Variants in IL33 observed in about 807,000 individuals in gnomAD.
IL33 encodes the protein interleukin-33.
A neutral mutation model predicts 27.3 loss-of-function variants in IL33; 37 were observed. That is an observed-to-expected ratio of 1.36 (90% CI 1.04 to 1.78). The LOEUF (loss-of-function observed/expected upper bound fraction) is 1.78, where lower values mean the gene tolerates loss of function less well. IL33 is among the 40% of genes most tolerant of loss of function. The probability of loss-of-function intolerance (pLI) is 0.00; values close to 1 mark genes in which losing one functional copy is unlikely to be tolerated. For missense variants in IL33, 406 were observed against 311.4 expected (o/e 1.30, Z -2.29); for synonymous variants, 132 against 102.9 (o/e 1.28, Z -1.71).
chr9:6,215,342 A>G (rs1029446175), upstream of IL33, among the ~76,000 whole-genome samples: 2 of 152,210 alleles, frequency 1.3e-5, no homozygotes, highest in African/African-American at 4.8e-5. Context: ...GATATGTTGG[A>G]ATACAGAGTA....
rs61318432 is a variant in IL33 at position 6,236,018 on chromosome 9, T to TACACAC, written c.-11-5630_-11-5625dup. Among the ~76,000 whole-genome samples the TACACAC allele has an allele frequency of 5.4e-3, 761 of 139,782 alleles. 9 individuals are homozygous for TACACAC. Among genetic ancestry groups the TACACAC allele is most frequent in the African/African-American group, 0.011 (413 of 37,350 alleles). 91.7% of individuals were successfully genotyped at this position (139,782 alleles called of 152,430 possible). A position where few individuals can be genotyped will look rare whatever the true frequency, so the allele number is the denominator to read the frequency against. Reference sequence around the variant, plus strand: ...ATACACCCACACCCACCCACACCCATACACACACACACACACACACACACA... The same window carrying TACACAC: ...ATACACCCACACCCACCCACACCCATACACACACACACACACACACACACACACACA... On this transcript the variant is annotated intron_variant, in intron 1 of 7. Transcript: ENST00000682010.
At chr9:6,246,904 G>A (rs748621139) in intron 2 of IL33, among the ~76,000 whole-genome samples, 4 of 152,188 alleles carry the variant, frequency 2.6e-5, no homozygotes, top group Non-Finnish European at 5.9e-5. Context: ...TATGGCAGCA[G>A]AAAAGAGACT....
chr9:6,218,205 C>T (rs1033846860), intron 1 of IL33, among the ~76,000 whole-genome samples: 2 of 152,148 alleles, frequency 1.3e-5, no homozygotes, highest in Non-Finnish European at 2.9e-5. Flanking sequence ...TGAAAGGATC[C>T]TGGACCTTCT....
intron 1 of IL33, among the ~76,000 whole-genome samples, chr9:6,219,489 T>A (rs987098174): frequency 6.6e-6 from 1 of 152,200 alleles, no homozygotes; most frequent in African/African-American, 2.4e-5. Context: ...TTTTGTTTTG[T>A]ATTTTTTAAG....
intron 2 of IL33, among the ~76,000 whole-genome samples, chr9:6,244,413 T>C (rs1000589626): frequency 6.6e-6 from 1 of 152,144 alleles, no homozygotes; most frequent in Admixed American, 6.5e-5. Flanking sequence ...TAATGAACCC[T>C]ATATATACTA....
Position 6,253,553 on chromosome 9 carries a change from T to C in IL33, c.471T>C (p.Asp157=), listed in dbSNP as rs763716717. 13 of 1,601,984 alleles carry C rather than the reference T, an allele frequency of 8.1e-6. No homozygotes were observed. The highest frequency in any genetic ancestry group is 1.3e-5 in the African/African-American group (1 of 74,616). Reference sequence around the variant, plus strand: ...GGGATTTTATGCATTCTCTTTCAGATAAGGTGTTACTGAGTTACTATGAGT... The same window carrying C: ...GGGATTTTATGCATTCTCTTTCAGACAAGGTGTTACTGAGTTACTATGAGT... ...VEDLKKDEKK[D]KVLLSYYESQ... Residue 157 remains aspartate, a splice_region_variant and synonymous_variant, in exon 6 of 8, where the codon GAT becomes GAC. Coordinates refer to ENST00000682010, the MANE Select transcript of IL33 (RefSeq NM_033439.4).
intron 6 of IL33, among the ~76,000 whole-genome samples, 188 bp from the exon 7 acceptor site, chr9:6,254,274 G>T (rs527787996): frequency 6.6e-6 from 1 of 152,022 alleles, no homozygotes; most frequent in Non-Finnish European, 1.5e-5. Flanking sequence ...ATTTCTCTCC[G>T]GTTTATAAGT....
Position 6,253,596 on chromosome 9 carries a change from G to C in IL33, c.514G>C (p.Glu172Gln), listed in dbSNP as rs770948847. ...CTATGAGTCTCAACACCCCTCAAAT[G>C]AATCAGGTAATTTGGAGGGCTGGGT... Reference protein sequence around the residue: ...SYYESQHPSNESGDGVDGKML... With the variant: ...SYYESQHPSNQSGDGVDGKML... The change falls in exon 6 of 8, where the codon GAA (glutamate) becomes CAA (glutamine). Residue 172 changes from glutamate to glutamine, a missense_variant. Transcript: ENST00000682010. 2 of 1,606,884 alleles carry C rather than the reference G, an allele frequency of 1.2e-6. No individual in the cohort carries two copies.
chr9:6,253,048 T>G, intron 5 of IL33, 57 bp downstream of exon 5: 1 of 1,166,568 alleles, frequency 8.6e-7, no homozygotes, highest in Non-Finnish European at 1.2e-6. Flanking sequence ...AGTAAAACAT[T>G]TTAATAAATC....
rs10975499 is a variant in IL33 at position 6,230,072 on chromosome 9, G to C, written c.-11-11612G>C. On this transcript the variant is annotated intron_variant, in intron 1 of 7. Coordinates refer to ENST00000682010, the MANE Select transcript of IL33 (RefSeq NM_033439.4). ...TCTAAATGTAGAGAGTATGGAGGGA[G>C]GGGTAAGTAAGGTTGGAAAAGTTGA... Among the ~76,000 whole-genome samples the C allele has an allele frequency of 6.9e-3, 1,055 of 152,064 alleles. 17 individuals are homozygous for C. Among genetic ancestry groups the C allele is most frequent in the African/African-American group, 0.024 (980 of 41,450 alleles).
intron 7 of IL33, among the ~76,000 whole-genome samples, chr9:6,254,983 TATA>T (rs1816645807): frequency 6.6e-6 from 1 of 152,196 alleles, no homozygotes; most frequent in Non-Finnish European, 1.5e-5. Flanking sequence ...CGTTTCTTTG[TATA>T]ATATCATTTT....
At chr9:6,239,150 G>C (rs954278911) in intron 1 of IL33, among the ~76,000 whole-genome samples, 1 of 152,148 alleles carries the variant, frequency 6.6e-6, no homozygotes, top group African/African-American at 2.4e-5. Flanking sequence ...ACATAGAAAA[G>C]GAAGCAAGCT....
intron 1 of IL33, among the ~76,000 whole-genome samples, chr9:6,228,242 G>A (rs1818737348): frequency 1.3e-5 from 2 of 152,172 alleles, no homozygotes; most frequent in African/African-American, 4.8e-5. Flanking sequence ...TTGAGGCCAG[G>A]AGTTCAAGGT....
At chr9:6,216,530 T>G (rs114214916) in intron 1 of IL33, among the ~76,000 whole-genome samples, 1,954 of 151,982 alleles carry the variant, frequency 0.013, 47 homozygotes, top group African/African-American at 0.046. Flanking sequence ...AGGTCAGGAG[T>G]TTGCAGCCAG....
At chr9:6,216,878 C>A (rs555908243) in intron 1 of IL33, among the ~76,000 whole-genome samples, 1 of 152,318 alleles carries the variant, frequency 6.6e-6, no homozygotes, top group African/African-American at 2.4e-5. Context: ...GGACTTTAAT[C>A]TCTGATCTGC....
intron 1 of IL33, among the ~76,000 whole-genome samples, chr9:6,225,579 C>G (rs1477602770): frequency 6.6e-6 from 1 of 152,182 alleles, no homozygotes; most frequent in East Asian, 1.9e-4. Context: ...CAAGAAGCAT[C>G]TTGGTTCTGC....
rs774418241 is a variant in IL33 at position 6,256,160 on chromosome 9, G to C, written c.805G>C (p.Glu269Gln). ...CTENILFKLS[E>Q]T ...TGAAAATATCTTGTTTAAGCTCTCT[G>C]AAACTTAGTTGATGGAAACCTGTGA... The change falls in exon 8 of 8, where the codon GAA (glutamate) becomes CAA (glutamine). Residue 269 changes from glutamate to glutamine, a missense_variant. Transcript: ENST00000682010. 6.8e-6 allele frequency: 11 copies of C among 1,612,196 alleles called. No homozygotes were observed. The highest frequency in any genetic ancestry group is 1.6e-4 in the Middle Eastern group (1 of 6,064).
At chr9:6,255,312 G>A (rs1816660551) in intron 7 of IL33, among the ~76,000 whole-genome samples, 2 of 152,068 alleles carry the variant, frequency 1.3e-5, no homozygotes, top group African/African-American at 2.4e-5. Context: ...AACATAAATA[G>A]TGGATAGTAA....
chr9:6,255,846 C>A (rs1816693721), intron 7 of IL33, 122 bp from the exon 8 acceptor site: 2 of 763,120 alleles, frequency 2.6e-6, no homozygotes, highest in Admixed American at 2.3e-5. Context: ...ACTCACTAAG[C>A]AAGCTTGCTA....
Sources: allele counts gnomAD v4.1 joint callset (sites outside exome capture counted in the v4.1 genomes callset), GRCh38; gene constraint gnomAD v4.1.1; transcripts MANE v1.5; gene names NCBI Gene and HGNC (gene_info 2026-07-23, HGNC 2026-07-21).